Variants in SYT9 observed in about 807,000 individuals in gnomAD.
SYT9 encodes synaptotagmin-9.
SYT9 carries 22 observed loss-of-function variants against 48.4 expected under a neutral mutation model. The ratio of observed to expected loss-of-function variants is 0.45; its 90% CI spans 0.32 to 0.65. SYT9 has a LOEUF of 0.65. Among genes scored for constraint, SYT9 ranks in the 30% least tolerant of loss-of-function variants. SYT9 has a pLI of 0.03. For synonymous variants in SYT9, 265 were observed against 245.0 expected (o/e 1.08, Z -0.76); for missense variants, 577 against 622.0 (o/e 0.93, Z 0.77).
intron 1 of SYT9, among the ~76,000 whole-genome samples, chr11:7,285,223 T>A (rs1276176229): frequency 6.6e-6 from 1 of 152,186 alleles, no homozygotes; most frequent in African/African-American, 2.4e-5. Flanking sequence ...GGGTTATTTA[T>A]AAGGGGAAGA....
At chr11:7,251,895 C>A, upstream of SYT9, 1 of 307,172 alleles carries the variant, frequency 3.3e-6, no homozygotes, top group Non-Finnish European at 6.0e-6. Flanking sequence ...GGAGCGCAAG[C>A]AGAGAGGCGC....
intron 6 of SYT9, among the ~76,000 whole-genome samples, chr11:7,430,674 G>A (rs182876996): frequency 2.6e-5 from 4 of 152,202 alleles, no homozygotes; most frequent in Middle Eastern, 3.4e-3. Context: ...GGCTTGGTGC[G>A]GTCCTCTTGA....
chr11:7,316,481 T>G (rs1261587219), intron 3 of SYT9, among the ~76,000 whole-genome samples: 1 of 152,224 alleles, frequency 6.6e-6, no homozygotes, highest in Non-Finnish European at 1.5e-5. Flanking sequence ...CTGTGGCTTA[T>G]GTATCTTCAT....
intron 1 of SYT9, among the ~76,000 whole-genome samples, chr11:7,264,582 C>T (rs1489425827): frequency 1.3e-5 from 2 of 151,806 alleles, no homozygotes; most frequent in African/African-American, 2.4e-5. Flanking sequence ...GATTGTAGGT[C>T]CTGGAGGGGT....
intron 6 of SYT9, among the ~76,000 whole-genome samples, chr11:7,422,859 C>G (rs777235061): frequency 2.0e-5 from 3 of 152,110 alleles, no homozygotes; most frequent in Non-Finnish European, 4.4e-5. Flanking sequence ...GCCTTGGAGG[C>G]CTTTTCCTTC....
chr11:7,393,878 A>G (rs913626606), intron 3 of SYT9, among the ~76,000 whole-genome samples: 3 of 151,616 alleles, frequency 2.0e-5, no homozygotes, highest in Admixed American at 1.3e-4. Context: ...GTTTGTGTGC[A>G]TAGAGTTGTT....
At chr11:7,364,648 A>T (rs972153499) in intron 3 of SYT9, among the ~76,000 whole-genome samples, 19 of 152,172 alleles carry the variant, frequency 1.2e-4, no homozygotes, top group African/African-American at 4.1e-4. Flanking sequence ...CCAGTTTTTC[A>T]CTGGCTAGTT....
intron 3 of SYT9, among the ~76,000 whole-genome samples, chr11:7,319,668 T>C (rs1355984260): frequency 6.6e-6 from 1 of 152,222 alleles, no homozygotes; most frequent in Non-Finnish European, 1.5e-5. Flanking sequence ...GTTTCTTTTT[T>C]ACACAAAGCA....
chr11:7,315,972 G>A (rs780430925), intron 3 of SYT9, among the ~76,000 whole-genome samples: 3 of 152,100 alleles, frequency 2.0e-5, no homozygotes, highest in Non-Finnish European at 4.4e-5. Flanking sequence ...GGATGGCCAC[G>A]GGAGAGGGTA....
At chr11:7,386,451 GA>G (rs59864674) in intron 3 of SYT9, among the ~76,000 whole-genome samples, 130,011 of 149,494 alleles carry the variant, frequency 0.87, 56,838 homozygotes, top group Non-Finnish European at 0.93. Context: ...AAATTTACAA[GA>G]AAAAAAAAAA....
chr11:7,283,036 C>T (rs892524033), intron 1 of SYT9, among the ~76,000 whole-genome samples: 1 of 151,102 alleles, frequency 6.6e-6, no homozygotes, highest in African/African-American at 2.4e-5. Context: ...CAGAGGCAAC[C>T]ATTTTTATTT....
At chr11:7,355,719 A>T (rs1332164592) in intron 3 of SYT9, among the ~76,000 whole-genome samples, 1 of 152,258 alleles carries the variant, frequency 6.6e-6, no homozygotes, top group African/African-American at 2.4e-5. Context: ...CTTAGAGATC[A>T]TCTGGTCAAA....
chr11:7,363,714 A>G (rs1850189480), intron 3 of SYT9, among the ~76,000 whole-genome samples: 1 of 152,192 alleles, frequency 6.6e-6, no homozygotes, highest in African/African-American at 2.4e-5. Context: ...AGGCAAGAGA[A>G]TCTAACATCA....
At chr11:7,404,988 AG>A (rs1846974487) in intron 3 of SYT9, among the ~76,000 whole-genome samples, 2 of 151,984 alleles carry the variant, frequency 1.3e-5, no homozygotes, top group Middle Eastern at 3.4e-3. Flanking sequence ...CACACAAAGC[AG>A]GGGTAAATGA....
At chr11:7,390,502 A>C (rs1232511170) in intron 3 of SYT9, among the ~76,000 whole-genome samples, 2 of 152,180 alleles carry the variant, frequency 1.3e-5, no homozygotes, top group Non-Finnish European at 2.9e-5. Flanking sequence ...CATTTTAAAC[A>C]TGGTTTAAAT....
chr11:7,445,988 T>C (rs34624291), intron 6 of SYT9, among the ~76,000 whole-genome samples: 39 of 152,374 alleles, frequency 2.6e-4, no homozygotes. Flanking sequence ...GCCCAGCTCT[T>C]GTAGCTGGCA....
intron 3 of SYT9, among the ~76,000 whole-genome samples, chr11:7,355,998 T>G (rs575047569): frequency 2.0e-5 from 3 of 152,226 alleles, no homozygotes; most frequent in Non-Finnish European, 4.4e-5. Context: ...TGAATCTAAT[T>G]GGTCACACTC....
intron 3 of SYT9, among the ~76,000 whole-genome samples, chr11:7,347,455 G>C (rs1038618848): frequency 6.6e-6 from 1 of 151,950 alleles, no homozygotes; most frequent in East Asian, 1.9e-4. Context: ...GGCTGGTCTC[G>C]AACTCCTGAC....
intron 1 of SYT9, among the ~76,000 whole-genome samples, chr11:7,270,401 T>G (rs964696770): frequency 6.6e-6 from 1 of 152,226 alleles, no homozygotes. Context: ...GAGAATCGTT[T>G]GCTTTCAGAT....
Sources: gnomAD v4.1 joint callset for allele counts (sites outside exome capture counted in the v4.1 genomes callset) on GRCh38, gnomAD v4.1.1 for gene constraint, MANE v1.5 for transcripts, NCBI Gene and HGNC (gene_info 2026-07-23, HGNC 2026-07-21) for gene names.